LRMDA: variants seen among roughly 807,000 people sequenced by gnomAD.
LRMDA encodes the protein leucine rich melanocyte differentiation associated.
Under a neutral mutation model 29.8 loss-of-function variants are expected in LRMDA, and 18 were observed. The observed-to-expected ratio is 0.60, with a 90% confidence interval of 0.42 to 0.90. The LOEUF (loss-of-function observed/expected upper bound fraction) is 0.90. LRMDA is among the 40% of genes least tolerant of loss of function. The pLI, the probability that LRMDA is intolerant of heterozygous loss-of-function variation, is 0.00. For missense variants in LRMDA, 273 were observed against 273.9 expected (o/e 1.00, Z 0.02); for synonymous variants, 125 against 109.4 (o/e 1.14, Z -0.89).
chr10:75,730,879 T>A (rs937072778), intron 2 of LRMDA, among the ~76,000 whole-genome samples: 4 of 152,198 alleles, frequency 2.6e-5, no homozygotes, highest in Non-Finnish European at 4.4e-5. Flanking sequence ...GGGCATTTTT[T>A]AAGGCTAAGC....
chr10:75,780,633 C>G (rs1180122750), intron 2 of LRMDA, among the ~76,000 whole-genome samples: 4 of 152,136 alleles, frequency 2.6e-5, no homozygotes, highest in African/African-American at 7.2e-5. Flanking sequence ...AGAACCCACC[C>G]CAACAGACTG....
At chr10:75,716,853 G>A (rs1314119549) in intron 2 of LRMDA, among the ~76,000 whole-genome samples, 2 of 152,184 alleles carry the variant, frequency 1.3e-5, no homozygotes, top group Non-Finnish European at 2.9e-5. Context: ...GACCTTGGTG[G>A]AACAGGCTGA....
At chr10:76,069,708 T>C (rs1848845029) in intron 5 of LRMDA, among the ~76,000 whole-genome samples, 1 of 152,128 alleles carries the variant, frequency 6.6e-6, no homozygotes, top group African/African-American at 2.4e-5. Flanking sequence ...CTCTTCTTTT[T>C]TTGTTGAGCA....
intron 5 of LRMDA, among the ~76,000 whole-genome samples, chr10:76,298,716 T>C (rs569953120): frequency 2.0e-5 from 3 of 152,330 alleles, no homozygotes; most frequent in East Asian, 1.9e-4. Flanking sequence ...GGCTGTGCCT[T>C]AAAAAGTTAC....
intron 5 of LRMDA, among the ~76,000 whole-genome samples, chr10:76,145,016 A>ACCAG (rs1387328419): frequency 1.3e-5 from 2 of 152,096 alleles, no homozygotes; most frequent in Admixed American, 1.3e-4. Context: ...CATATGTTGA[A>ACCAG]CCAGCCTTGC....
intron 2 of LRMDA, among the ~76,000 whole-genome samples, chr10:75,812,813 C>A (rs182555946): frequency 1.3e-5 from 2 of 152,252 alleles, no homozygotes; most frequent in Admixed American, 6.5e-5. Context: ...TGCTTGGGGG[C>A]CATATGTTCT....
chr10:75,737,904 G>A (rs1357275106), intron 2 of LRMDA, among the ~76,000 whole-genome samples: 3 of 152,180 alleles, frequency 2.0e-5, no homozygotes, highest in South Asian at 4.1e-4. Flanking sequence ...TGAGAAACAC[G>A]TTTTATGATG....
rs1367662234 is a variant in LRMDA at position 76,225,733 on chromosome 10, T to C, written c.517-98668T>C. Among the ~76,000 whole-genome samples the C allele has an allele frequency of 4.0e-5, 6 of 149,342 alleles. No homozygotes were observed. In the East Asian group the frequency reaches 1.2e-3, roughly 29 times the overall value. ...ATTTATTTATTTATTATTATATATA[T>C]ATTTTTATTATATTTTAAGTTCTAG... On this transcript the variant is annotated intron_variant, in intron 5 of 6. Transcript: ENST00000611255.
At chr10:75,744,415 A>G (rs1414738525) in intron 2 of LRMDA, among the ~76,000 whole-genome samples, 2 of 152,226 alleles carry the variant, frequency 1.3e-5, no homozygotes, top group Non-Finnish European at 1.5e-5. Context: ...CTTGTGTATA[A>G]AAACACAGTC....
At chr10:75,782,003 G>A (rs1843391705) in intron 2 of LRMDA, among the ~76,000 whole-genome samples, 1 of 152,196 alleles carries the variant, frequency 6.6e-6, no homozygotes, top group South Asian at 2.1e-4. Context: ...TGGGGAATGT[G>A]TTCGAGGATC....
intron 5 of LRMDA, among the ~76,000 whole-genome samples, chr10:76,120,734 T>C (rs940526623): frequency 2.6e-5 from 4 of 152,168 alleles, no homozygotes; most frequent in African/African-American, 9.7e-5. Context: ...TACCAAGGAC[T>C]TGAATCAAGA....
chr10:75,503,711 C>G (rs1845141078), intron 2 of LRMDA, among the ~76,000 whole-genome samples: 1 of 151,900 alleles, frequency 6.6e-6, no homozygotes, highest in African/African-American at 2.4e-5. Context: ...CTCAGTTCCT[C>G]TGGGATTTTT....
intron 2 of LRMDA, among the ~76,000 whole-genome samples, chr10:75,869,920 G>T (rs1055619803): frequency 3.3e-5 from 5 of 152,054 alleles, no homozygotes; most frequent in Admixed American, 2.6e-4. Context: ...CATACTCTAT[G>T]TGCTTTCTCT....
intron 2 of LRMDA, among the ~76,000 whole-genome samples, chr10:75,708,857 T>C (rs1406753843): frequency 6.6e-6 from 1 of 152,306 alleles, no homozygotes; most frequent in South Asian, 2.1e-4. Flanking sequence ...TTTCACCTGC[T>C]CTGTGTTTGC....
At chr10:75,544,273 C>G (rs76159173) in intron 2 of LRMDA, among the ~76,000 whole-genome samples, 13 of 152,116 alleles carry the variant, frequency 8.5e-5, no homozygotes, top group Non-Finnish European at 1.6e-4. Flanking sequence ...GTCCCTAACT[C>G]CCTACATTTA....
intron 2 of LRMDA, among the ~76,000 whole-genome samples, chr10:75,674,133 A>C (rs2463952): frequency 0.042 from 6,347 of 152,270 alleles, 178 homozygotes; most frequent in Non-Finnish European, 0.065. Flanking sequence ...ATATTTAAAA[A>C]ATTTCTGCTT....
chr10:75,775,993 GT>G (rs925817722), intron 2 of LRMDA, among the ~76,000 whole-genome samples: 13 of 152,198 alleles, frequency 8.5e-5, no homozygotes, highest in African/African-American at 3.1e-4. Context: ...AGCTTGAGGA[GT>G]TTAGTTAGCA....
At chr10:75,481,432 GC>G in intron 2 of LRMDA, among the ~76,000 whole-genome samples, 1 of 152,280 alleles carries the variant, frequency 6.6e-6, no homozygotes, top group East Asian at 1.9e-4. Context: ...ATCAGATTTA[GC>G]GGTAGGGAGG....
Position 76,343,346 on chromosome 10 carries a change from T to C in LRMDA, c.601+18861T>C, listed in dbSNP as rs529333800. Among the ~76,000 whole-genome samples the C allele has an allele frequency of 2.7e-4, 41 of 152,312 alleles. 1 individual carries two copies. The South Asian group carries it at 3.1e-3, about 12-fold the overall frequency. ...GAAAATAACTGCATACTCACTCCAA[T>C]GTTAACTATAGGTGCAAAAATGCTA... On this transcript the variant is annotated intron_variant, in intron 6 of 6. Transcript: ENST00000611255.
Sources: allele counts gnomAD v4.1 joint callset (sites outside exome capture counted in the v4.1 genomes callset), GRCh38; gene constraint gnomAD v4.1.1; transcripts MANE v1.5; gene names NCBI Gene and HGNC (gene_info 2026-07-23, HGNC 2026-07-21).